The following CDYL2 variants were observed in gnomAD, a reference collection of about 807,000 sequenced individuals.
The protein encoded by CDYL2 is chromodomain Y like 2.
Under a neutral mutation model 49.4 loss-of-function variants are expected in CDYL2, and 23 were observed. The ratio of observed to expected loss-of-function variants is 0.47; its 90% confidence interval spans 0.34 to 0.66. The LOEUF (loss-of-function observed/expected upper bound fraction) is 0.66, where lower values mean the gene tolerates loss of function less well. Ranked by LOEUF, CDYL2 falls within the 30% of genes least tolerant of loss-of-function variation. CDYL2 has a pLI of 0.01. For synonymous variants in CDYL2, 360 were observed against 268.8 expected (o/e 1.34, Z -3.32); for missense variants, 678 against 656.4 (o/e 1.03, Z -0.36).
At chr16:80,752,347 G>A (rs1015561109) in intron 1 of CDYL2, among the ~76,000 whole-genome samples, 5 of 151,996 alleles carry the variant, frequency 3.3e-5, no homozygotes, top group African/African-American at 7.3e-5. Context: ...AATAAAGAAA[G>A]AACAGAGTAA....
At chr16:80,621,001 T>C in intron 3 of CDYL2, 66 bp from the exon 4 acceptor site, 1 of 1,454,122 alleles carries the variant, frequency 6.9e-7, no homozygotes, top group Admixed American at 2.4e-5. Context: ...GCTTTCAGAC[T>C]GCAAGACAGC....
chr16:80,642,525 T>A (rs1908145277), intron 2 of CDYL2, among the ~76,000 whole-genome samples: 1 of 152,168 alleles, frequency 6.6e-6, no homozygotes, highest in Admixed American at 6.5e-5. Context: ...TGATGAGATA[T>A]AAGATATTAT....
At chr16:80,628,927 G>T (rs980409240) in intron 3 of CDYL2, among the ~76,000 whole-genome samples, 1 of 152,186 alleles carries the variant, frequency 6.6e-6, no homozygotes, top group Non-Finnish European at 1.5e-5. Flanking sequence ...CAAGTGATGG[G>T]TGAACTGAGA....
chr16:80,604,319 A>G lies in CDYL2; in HGVS notation c.*69T>C, dbSNP rs1317950729. On this transcript the variant is annotated 3_prime_UTR_variant, in exon 7 of 7. Coordinates refer to ENST00000570137, the MANE Select transcript of CDYL2 (RefSeq NM_152342.4). ...CCTTGACAAACTCCTTGGCCGGGGC[A>G]GACACTGTGCTCTGGTTTCCGAAAC... is the stretch of plus-strand genomic sequence containing the variant. 1.3e-6 allele frequency: 2 copies of G among 1,559,428 alleles called. No homozygotes were observed. Among genetic ancestry groups the G allele is most frequent in the Non-Finnish European group, 1.8e-6 (2 of 1,135,266 alleles).
At chr16:80,764,904 CA>C (rs1404101482) in intron 1 of CDYL2, among the ~76,000 whole-genome samples, 29 of 151,108 alleles carry the variant, frequency 1.9e-4, no homozygotes, top group African/African-American at 7.1e-4. Flanking sequence ...ACTAAAAATA[CA>C]AAAAATTAGC....
chr16:80,610,571 A>C (rs1282580688), intron 5 of CDYL2, among the ~76,000 whole-genome samples: 1 of 138,012 alleles, frequency 7.2e-6, no homozygotes, highest in Non-Finnish European at 1.5e-5. Context: ...GTCCCTGGTG[A>C]AGACCCATAA....
At chr16:80,688,260 T>C (rs776074899) in intron 1 of CDYL2, among the ~76,000 whole-genome samples, 3 of 152,124 alleles carry the variant, frequency 2.0e-5, no homozygotes, top group Non-Finnish European at 4.4e-5. Context: ...AATTTCTACT[T>C]AACCCAATAC....
At chr16:80,758,086 A>G (rs1050812637) in intron 1 of CDYL2, among the ~76,000 whole-genome samples, 60 of 152,328 alleles carry the variant, frequency 3.9e-4, no homozygotes, top group African/African-American at 1.3e-3. Flanking sequence ...ATAACTGAAA[A>G]AAATCAAAAG....
intron 1 of CDYL2, among the ~76,000 whole-genome samples, chr16:80,732,204 GAAAACAC>G (rs1905351322): frequency 1.3e-5 from 2 of 152,256 alleles, no homozygotes; most frequent in South Asian, 4.1e-4. Flanking sequence ...CACTGATGAT[GAAAACAC>G]TTTTTCCACA....
At position 80,698,738 on chromosome 16, in the gene CDYL2, C is replaced by G. The variant is rs563091591; in HGVS notation, c.25-13609G>C. ...TGCCATATAAGATGTGTCTTCTTCC[C>G]CTTCACCTTCTGCCATGATTGTAAG... On this transcript the variant is annotated intron_variant, in intron 1 of 6. Coordinates refer to ENST00000570137, the MANE Select transcript of CDYL2 (RefSeq NM_152342.4). Among the ~76,000 whole-genome samples, 43 of 152,126 alleles carry G rather than the reference C, an allele frequency of 2.8e-4. No individual in the cohort carries two copies. In the South Asian group the frequency reaches 4.4e-3, roughly 15 times the overall value.
At chr16:80,717,149 AGATGGATGGATGGATGGATG>A (rs200642445) in intron 1 of CDYL2, among the ~76,000 whole-genome samples, 1,873 of 138,022 alleles carry the variant, frequency 0.014, 20 homozygotes, top group Middle Eastern at 0.036. Context: ...CTGGATCGAT[AGATGGATGGATGGATGGATG>A]GATGGATGGA....
At chr16:80,607,925 T>C (rs79056028) in intron 6 of CDYL2, among the ~76,000 whole-genome samples, 167 bp downstream of exon 6, 4,061 of 152,330 alleles carry the variant, frequency 0.027, 189 homozygotes, top group African/African-American at 0.092. Context: ...CTCCCTCTGA[T>C]TGAAGCTGTC....
intron 2 of CDYL2, among the ~76,000 whole-genome samples, chr16:80,645,277 T>C (rs1341872567): frequency 6.6e-6 from 1 of 151,956 alleles, no homozygotes; most frequent in African/African-American, 2.4e-5. Context: ...TACAAAGAAC[T>C]CAAACAAATT....
At chr16:80,746,719 G>T (rs1351644815) in intron 1 of CDYL2, among the ~76,000 whole-genome samples, 1 of 152,094 alleles carries the variant, frequency 6.6e-6, no homozygotes, top group African/African-American at 2.4e-5. Context: ...GTGGGGCAGG[G>T]GGAGGGACAC....
At chr16:80,660,744 A>T (rs1201922386) in intron 2 of CDYL2, among the ~76,000 whole-genome samples, 2 of 152,242 alleles carry the variant, frequency 1.3e-5, no homozygotes, top group Non-Finnish European at 2.9e-5. Flanking sequence ...TCTGAGACAG[A>T]AAGAGGGATC....
At chr16:80,775,453 G>A (rs985339689) in intron 1 of CDYL2, among the ~76,000 whole-genome samples, 9 of 151,862 alleles carry the variant, frequency 5.9e-5, no homozygotes, top group Non-Finnish European at 1.3e-4. Flanking sequence ...TTTTTCAAGG[G>A]GGGTGGGTTG....
Position 80,612,872 on chromosome 16 carries a change from T to C in CDYL2, c.1008-36A>G, listed in dbSNP as rs756355949. On this transcript the variant is annotated intron_variant, in intron 4 of 6. Coordinates refer to ENST00000570137, the MANE Select transcript of CDYL2 (RefSeq NM_152342.4). The surrounding 1 kb of genome is among the most constrained non-coding windows in gnomAD (Gnocchi z 5.0). ...AAGAAGATCCTCTTGAACAGGTGAC[T>C]ATAGCATGCTAAGCCCCACTGGAAC... 10 of 1,547,288 alleles carry C rather than the reference T, an allele frequency of 6.5e-6. No individual in the cohort carries two copies. In the African/African-American group the frequency reaches 8.2e-5, roughly 13 times the overall value.
intron 1 of CDYL2, among the ~76,000 whole-genome samples, chr16:80,787,278 T>C (rs1041038308): frequency 2.6e-5 from 4 of 152,148 alleles, no homozygotes; most frequent in Admixed American, 2.6e-4. Flanking sequence ...TGAGAGGTCT[T>C]GGGGACAGAA....
At chr16:80,782,007 T>C (rs1907285373) in intron 1 of CDYL2, among the ~76,000 whole-genome samples, 1 of 150,790 alleles carries the variant, frequency 6.6e-6, no homozygotes, top group Admixed American at 6.6e-5. Flanking sequence ...AAAGAGCAAA[T>C]AAACCAAAAG....
Sources: gnomAD v4.1 joint callset for allele counts (sites outside exome capture counted in the v4.1 genomes callset) on GRCh38, gnomAD v4.1.1 for gene constraint, Gnocchi (gnomAD v3.1) non-coding constraint, MANE v1.5 for transcripts, NCBI Gene and HGNC (gene_info 2026-07-23, HGNC 2026-07-21) for gene names.